The following ADAM32 variants were observed in gnomAD, a reference collection of about 807,000 sequenced individuals.
ADAM32 encodes disintegrin and metalloproteinase domain-containing protein 32.
ADAM32 carries 89 observed loss-of-function variants against 114.9 expected under a neutral mutation model. The ratio of observed to expected loss-of-function variants is 0.77; its 90% CI spans 0.65 to 0.92. ADAM32 has a LOEUF of 0.92. Ranked by LOEUF, ADAM32 falls within the 40% of genes least tolerant of loss-of-function variation. The pLI is 0.00. For missense variants in ADAM32, 870 were observed against 932.8 expected (o/e 0.93, Z 0.88); for synonymous variants, 285 against 307.5 (o/e 0.93, Z 0.77).
At chr8:39,184,379 T>A (rs957031356) in intron 10 of ADAM32, among the ~76,000 whole-genome samples, 3 of 152,226 alleles carry the variant, frequency 2.0e-5, no homozygotes, top group Admixed American at 6.5e-5. Flanking sequence ...GTATTTCTAT[T>A]CCAGCCATAA....
At chr8:39,232,215 A>G (rs1809787386) in intron 15 of ADAM32, 80 bp downstream of exon 15, 12 of 1,139,170 alleles carry the variant, frequency 1.1e-5, no homozygotes, top group South Asian at 1.5e-5. Context: ...TGTGTCATTC[A>G]TTCCAGTGGT....
intron 10 of ADAM32, among the ~76,000 whole-genome samples, chr8:39,170,615 T>C (rs544274140): frequency 6.6e-6 from 1 of 152,076 alleles, no homozygotes; most frequent in African/African-American, 2.4e-5. Flanking sequence ...GATGTCAAAT[T>C]TGTTGAGTAT....
intron 19 of ADAM32, among the ~76,000 whole-genome samples, chr8:39,265,422 T>C (rs879257045): frequency 6.6e-5 from 10 of 152,200 alleles, no homozygotes; most frequent in Admixed American, 1.3e-4. Flanking sequence ...GAAGACAGCA[T>C]GTAGTTGGAT....
chr8:39,180,157 G>A (rs181324813), intron 10 of ADAM32, among the ~76,000 whole-genome samples: 2,031 of 152,312 alleles, frequency 0.013, 73 homozygotes, highest in Admixed American at 0.069. Context: ...CAGCGCTTGC[G>A]GGCCAGCTGG....
At chr8:39,121,501 A>G (rs1452509639) in intron 2 of ADAM32, among the ~76,000 whole-genome samples, 1 of 152,154 alleles carries the variant, frequency 6.6e-6, no homozygotes, top group Non-Finnish European at 1.5e-5. Context: ...TCTAATGTAG[A>G]TGACGGGTTG....
chr8:39,122,514 C>T (rs1175006410), intron 2 of ADAM32, among the ~76,000 whole-genome samples: 1 of 152,192 alleles, frequency 6.6e-6, no homozygotes, highest in Non-Finnish European at 1.5e-5. Flanking sequence ...TCACCAGAAA[C>T]CAACCTGCTA....
chr8:39,256,074 C>T (rs1176534249), intron 18 of ADAM32, among the ~76,000 whole-genome samples: 1 of 151,956 alleles, frequency 6.6e-6, no homozygotes, highest in Non-Finnish European at 1.5e-5. Context: ...TATTCCATTC[C>T]ATTGGTCTCT....
intron 2 of ADAM32, chr8:39,130,807 G>A (rs1802399161): frequency 4.5e-6 from 2 of 445,832 alleles, no homozygotes; most frequent in African/African-American, 4.1e-5. Context: ...CTAGAATATG[G>A]TCAATCATGA....
intron 11 of ADAM32, among the ~76,000 whole-genome samples, chr8:39,198,673 C>T (rs1807178303): frequency 6.6e-6 from 1 of 152,284 alleles, no homozygotes; most frequent in Admixed American, 6.5e-5. Context: ...CCATCATGCT[C>T]AGCCTTTCTT....
At chr8:39,224,482 G>C (rs1288113574) in intron 14 of ADAM32, among the ~76,000 whole-genome samples, 1 of 152,076 alleles carries the variant, frequency 6.6e-6, no homozygotes, top group Non-Finnish European at 1.5e-5. Context: ...GATGTGAAGT[G>C]GTATCTCATT....
At chr8:39,145,374 C>G (rs1380427398) in intron 3 of ADAM32, among the ~76,000 whole-genome samples, 2 of 152,192 alleles carry the variant, frequency 1.3e-5, no homozygotes, top group South Asian at 2.1e-4. Flanking sequence ...AGGCATCACA[C>G]TACCTGAATT....
chr8:39,203,978 G>A (rs1167014287), intron 11 of ADAM32, among the ~76,000 whole-genome samples: 1 of 152,216 alleles, frequency 6.6e-6, no homozygotes, highest in East Asian at 1.9e-4. Flanking sequence ...CTTCTGGCTT[G>A]TAGAGTTTCT....
At chr8:39,160,287 T>C (rs1211860182) in intron 6 of ADAM32, among the ~76,000 whole-genome samples, 1 of 152,152 alleles carries the variant, frequency 6.6e-6, no homozygotes, top group African/African-American at 2.4e-5. Context: ...ACGCCTGTAA[T>C]CCCAGCACTT....
chr8:39,279,027 T>C (rs1190526558), intron 22 of ADAM32, among the ~76,000 whole-genome samples: 2 of 152,204 alleles, frequency 1.3e-5, no homozygotes, highest in Non-Finnish European at 2.9e-5. Flanking sequence ...ATGTGCTTTT[T>C]CTAGGTGGCT....
chr8:39,253,009 T>C (rs1334538725), intron 17 of ADAM32, among the ~76,000 whole-genome samples: 1 of 151,610 alleles, frequency 6.6e-6, no homozygotes, highest in Admixed American at 6.6e-5. Flanking sequence ...AAAATAAAAT[T>C]GCAGGCTAAT....
At chr8:39,250,269 CCT>C (rs1811204450) in intron 17 of ADAM32, among the ~76,000 whole-genome samples, 2 of 151,620 alleles carry the variant, frequency 1.3e-5, no homozygotes. Context: ...GTTTTTTCAA[CCT>C]TTTTTTTTTG....
intron 10 of ADAM32, among the ~76,000 whole-genome samples, chr8:39,172,092 G>A (rs892618092): frequency 1.3e-5 from 2 of 151,726 alleles, no homozygotes; most frequent in Non-Finnish European, 2.9e-5. Flanking sequence ...TCTTATGACA[G>A]TAAAGCTTTG....
intron 22 of ADAM32, 66 bp downstream of exon 22, chr8:39,275,932 T>A: frequency 7.1e-7 from 1 of 1,414,190 alleles, no homozygotes. Context: ...ATGAACAAAT[T>A]GATAATTAAC....
At chr8:39,284,759 C>T in intron 24 of ADAM32, 34 bp from the exon 25 acceptor site, 3 of 1,613,264 alleles carry the variant, frequency 1.9e-6, no homozygotes, top group Non-Finnish European at 1.7e-6. Flanking sequence ...GCTGTCAGTA[C>T]TTTGAGCACG....
Sources: allele counts gnomAD v4.1 joint callset (sites outside exome capture counted in the v4.1 genomes callset), GRCh38; gene constraint gnomAD v4.1.1; transcripts MANE v1.5; gene names NCBI Gene and HGNC (gene_info 2026-07-23, HGNC 2026-07-21).